TRAPPC3: variants seen among roughly 807,000 people sequenced by gnomAD.
TRAPPC3 encodes the protein trafficking protein particle complex subunit 3, also known as trafficking protein particle complex 3.
In TRAPPC3, 5 loss-of-function variants were observed where a neutral mutation model predicts 18.2. The observed-to-expected ratio is 0.28, with a 90% CI of 0.14 to 0.58. The LOEUF (loss-of-function observed/expected upper bound fraction) is 0.58, where lower values mean the gene tolerates loss of function less well. Among genes scored for constraint, TRAPPC3 ranks in the 20% least tolerant of loss-of-function variants. The probability of loss-of-function intolerance (pLI) is 0.91; values close to 1 mark genes in which losing one functional copy is unlikely to be tolerated. For missense variants in TRAPPC3, 176 were observed against 225.9 expected, an observed-to-expected ratio of 0.78 and a Z score of 1.41; for synonymous variants, 65 against 84.2, an observed-to-expected ratio of 0.77 and a Z score of 1.25.
rs530613344 is a variant in TRAPPC3 at position 36,142,008 on chromosome 1, A to G, written c.43-1842T>C. Among the ~76,000 whole-genome samples, 12 of 151,488 alleles carry G rather than the reference A, an allele frequency of 7.9e-5. No individual in the cohort carries two copies. The East Asian group carries it at 2.3e-3, about 29-fold the overall frequency. The stretch of plus-strand genomic sequence containing the variant: ...AGAACGTGCCCAAGGACAAACAGCT[A>G]ATTATTGACAAAAGTAATTTGGGGA... On this transcript the variant is annotated intron_variant, in intron 1 of 4. Transcript: ENST00000373166.
intron 4 of TRAPPC3, 163 bp downstream of exon 4, chr1:36,137,633 T>C: frequency 2.6e-6 from 2 of 772,718 alleles, no homozygotes; most frequent in East Asian, 2.7e-5. Context: ...TATCACCATG[T>C]AAAGATGTCC....
intron 1 of TRAPPC3, among the ~76,000 whole-genome samples, chr1:36,142,087 CA>C (rs1235795738): frequency 6.6e-6 from 1 of 151,520 alleles, no homozygotes; most frequent in East Asian, 1.9e-4. Context: ...CTCTTCCCCA[CA>C]ACTGTAGTAT....
chr1:36,150,274 C>T (rs1644258601), upstream of TRAPPC3, among the ~76,000 whole-genome samples: 1 of 152,246 alleles, frequency 6.6e-6, no homozygotes, highest in South Asian at 2.1e-4. Context: ...GCATAAAAGG[C>T]ATAAAAGAAA....
intron 1 of TRAPPC3, among the ~76,000 whole-genome samples, chr1:36,147,657 C>T (rs116823942): frequency 1.3e-5 from 2 of 152,062 alleles, no homozygotes; most frequent in African/African-American, 4.8e-5. Context: ...GCTATGAAGA[C>T]AACCAGCATA....
chr1:36,155,844 C>G (rs942773763), intron 1 of TRAPPC3: 6 of 152,336 alleles, frequency 3.9e-5, no homozygotes, highest in African/African-American at 1.4e-4. Flanking sequence ...CCCTCTCCCC[C>G]AGTCCCCGCG....
upstream of TRAPPC3, chr1:36,149,615 A>C: frequency 1.7e-6 from 1 of 594,552 alleles, no homozygotes; most frequent in Non-Finnish European, 3.0e-6. Context: ...ACCGCCTCTT[A>C]ACACAGTCAA....
At chr1:36,146,677 T>C (rs113965215) in intron 1 of TRAPPC3, among the ~76,000 whole-genome samples, 6 of 149,962 alleles carry the variant, frequency 4.0e-5, no homozygotes, top group African/African-American at 1.2e-4. Flanking sequence ...AGCAAGTAAG[T>C]GGTGAAACTA....
At chr1:36,142,773 TA>T (rs1416600381) in intron 1 of TRAPPC3, among the ~76,000 whole-genome samples, 2 of 152,226 alleles carry the variant, frequency 1.3e-5, no homozygotes, top group East Asian at 3.8e-4. Flanking sequence ...CTCATACTGG[TA>T]ATCCCGGCAC....
intron 1 of TRAPPC3, among the ~76,000 whole-genome samples, chr1:36,148,712 C>CCCA (rs748144568): frequency 8.5e-5 from 13 of 152,206 alleles, no homozygotes; most frequent in Non-Finnish European, 1.9e-4. Flanking sequence ...AAGGGAGCCA[C>CCCA]CCACTCCATT....
upstream of TRAPPC3, among the ~76,000 whole-genome samples, chr1:36,153,682 C>A (rs1244712654): frequency 6.6e-6 from 1 of 152,034 alleles, no homozygotes; most frequent in African/African-American, 2.4e-5. Context: ...AGAGACACAC[C>A]CCCCGCCCAC....
intron 3 of TRAPPC3, among the ~76,000 whole-genome samples, chr1:36,139,155 T>C (rs1644068733): frequency 6.9e-6 from 1 of 144,278 alleles, no homozygotes; most frequent in South Asian, 2.2e-4. Flanking sequence ...TGTGAGTCTG[T>C]ATTTTTTTTT....
intron 1 of TRAPPC3, among the ~76,000 whole-genome samples, chr1:36,146,553 G>A (rs985911329): frequency 1.1e-4 from 16 of 147,922 alleles, no homozygotes; most frequent in African/African-American, 3.3e-4. Flanking sequence ...CAAAGTGCTG[G>A]GATTACAGGC....
At chr1:36,143,544 C>A (rs552130833) in intron 1 of TRAPPC3, among the ~76,000 whole-genome samples, 4 of 152,286 alleles carry the variant, frequency 2.6e-5, no homozygotes, top group Admixed American at 2.0e-4. Flanking sequence ...AACAAAAGTT[C>A]TCATGGGATC....
rs1032505062 is a variant in TRAPPC3 at position 36,139,574 on chromosome 1, C to T, written c.240+146G>A. The T allele has an allele frequency of 2.9e-4, 297 of 1,032,504 alleles. 2 individuals carry two copies. The highest frequency in any genetic ancestry group is 1.3e-3 in the South Asian group (78 of 60,092). 64.0% of individuals were successfully genotyped at this position (1,032,504 alleles called of 1,614,324 possible). A position where few individuals can be genotyped will look rare whatever the true frequency, so the allele number is the denominator to read the frequency against. ...TTAAATAATCTATGCTATTCCCTAA[C>T]GACCTGGAATGTTTTTTTGACCCAA... On this transcript the variant is annotated intron_variant, in intron 3 of 4. Coordinates refer to ENST00000373166, the MANE Select transcript of TRAPPC3 (RefSeq NM_014408.5).
At chr1:36,148,188 T>C (rs1315880725) in intron 1 of TRAPPC3, among the ~76,000 whole-genome samples, 2 of 152,198 alleles carry the variant, frequency 1.3e-5, no homozygotes, top group Admixed American at 6.5e-5. Context: ...TGGCCGGGTG[T>C]GGTGGCTCAC....
intron 2 of TRAPPC3, 66 bp downstream of exon 2, chr1:36,140,003 G>A (rs764659729): frequency 3.6e-5 from 53 of 1,484,554 alleles, no homozygotes; most frequent in Non-Finnish European, 4.5e-5. Flanking sequence ...AAGCTCTAAA[G>A]GACAATGTAG....
chr1:36,137,268 C>T lies in TRAPPC3; in HGVS notation c.478G>A (p.Val160Met). ...FVQDTLKGDG[V>M]TEIRMRFIRR... ...ATGAATCTCATCCGGATTTCTGTCA[C>T]ACCGTCTCCTTTCAGGGTGTCCTGG... Residue 160 changes from valine to methionine, a missense_variant, in exon 5 of 5, where the codon GTG becomes ATG. By Grantham distance (21) the Val-to-Met change is conservative. Transcript: ENST00000373166. The T allele has an allele frequency of 1.2e-6, 2 of 1,613,494 alleles. No homozygotes were observed. The highest frequency in any genetic ancestry group is 1.7e-6 in the Non-Finnish European group (2 of 1,179,432).
upstream of TRAPPC3, among the ~76,000 whole-genome samples, chr1:36,150,088 T>TC (rs1266050937): frequency 1.3e-5 from 2 of 152,056 alleles, no homozygotes; most frequent in African/African-American, 2.4e-5. Flanking sequence ...AGTCACTTTC[T>TC]CCCCCTCCCT....
chr1:36,151,486 T>C (rs1176233572), upstream of TRAPPC3, among the ~76,000 whole-genome samples: 1 of 152,142 alleles, frequency 6.6e-6, no homozygotes, highest in African/African-American at 2.4e-5. Flanking sequence ...GGTGTGCACC[T>C]CTGGCCCCCA....
Sources: gnomAD v4.1 joint callset for allele counts (sites outside exome capture counted in the v4.1 genomes callset) on GRCh38, gnomAD v4.1.1 for gene constraint, MANE v1.5 for transcripts, NCBI Gene and HGNC (gene_info 2026-07-23, HGNC 2026-07-21) for gene names.